TAFA4: variants seen among roughly 807,000 people sequenced by gnomAD.
TAFA4 encodes chemokine-like protein TAFA-4.
TAFA4 carries 20 observed loss-of-function variants against 21.1 expected under a neutral mutation model. That is an observed-to-expected ratio of 0.95 (90% confidence interval 0.67 to 1.38). The LOEUF is 1.38. Ranked by LOEUF, TAFA4 falls within the 40% of genes most tolerant of loss-of-function variation. TAFA4 has a pLI of 0.00. For synonymous variants in TAFA4, 71 were observed against 67.4 expected (o/e 1.05, Z -0.26); for missense variants, 211 against 180.9 (o/e 1.17, Z -0.95).
At chr3:68,796,340 T>C (rs1703453464) in intron 3 of TAFA4, among the ~76,000 whole-genome samples, 3 of 152,208 alleles carry the variant, frequency 2.0e-5, no homozygotes, top group Non-Finnish European at 2.9e-5. Flanking sequence ...AATTCTAATA[T>C]AGACAATATC....
chr3:68,869,615 C>T (rs570781565), intron 3 of TAFA4, among the ~76,000 whole-genome samples: 3 of 152,008 alleles, frequency 2.0e-5, no homozygotes, highest in East Asian at 1.9e-4. Flanking sequence ...AAAAACCATA[C>T]GATCATTTCC....
At chr3:68,858,666 T>C (rs1193941733) in intron 3 of TAFA4, among the ~76,000 whole-genome samples, 1 of 151,396 alleles carries the variant, frequency 6.6e-6, no homozygotes, top group Admixed American at 6.6e-5. Flanking sequence ...CATAAAAATG[T>C]AGGTACACTG....
chr3:68,891,225 G>A (rs912184188), intron 1 of TAFA4, among the ~76,000 whole-genome samples: 2 of 152,160 alleles, frequency 1.3e-5, no homozygotes, highest in African/African-American at 4.8e-5. Flanking sequence ...ATTAAAAATG[G>A]ATTTTTGTCT....
intron 4 of TAFA4, among the ~76,000 whole-genome samples, chr3:68,747,269 C>G (rs1345073825): frequency 6.6e-6 from 1 of 152,164 alleles, no homozygotes; most frequent in Non-Finnish European, 1.5e-5. Flanking sequence ...CTCAAACACA[C>G]ACACTGATAC....
intron 3 of TAFA4, among the ~76,000 whole-genome samples, chr3:68,775,752 C>T (rs1703036419): frequency 6.6e-6 from 1 of 152,148 alleles, no homozygotes; most frequent in African/African-American, 2.4e-5. Flanking sequence ...ATAGCAACAA[C>T]CAAAAACAAA....
At position 68,822,575 on chromosome 3, in the gene TAFA4, G is replaced by A. The variant is rs192824365; in HGVS notation, c.130+58155C>T. ...AGCCTTGACCTCCCTGGGCTTAAGC[G>A]ATCCTTCCACCTCGGCCTCCCGAGT... is the stretch of plus-strand genomic sequence containing the variant. On this transcript the variant is annotated intron_variant, in intron 3 of 5. Transcript: ENST00000295569. Among the ~76,000 whole-genome samples the A allele has an allele frequency of 1.5e-4, 23 of 152,236 alleles. No individual in the cohort carries two copies. In the East Asian group the frequency reaches 3.1e-3, roughly 20 times the overall value.
In TAFA4 at chr3:68,856,482, T is replaced by C. The variant is rs150439791; in HGVS notation, c.130+24248A>G. Among the ~76,000 whole-genome samples the C allele has an allele frequency of 5.3e-5, 8 of 152,190 alleles. No homozygotes were observed. The East Asian group carries it at 1.4e-3, about 26-fold the overall frequency. Reference sequence around the variant, plus strand: ...TTACCTATTCCCTCTTAGAAAAGACTTCCAGAGTCTTTCAGTCTTCATCTT... The same window carrying C: ...TTACCTATTCCCTCTTAGAAAAGACCTCCAGAGTCTTTCAGTCTTCATCTT... On this transcript the variant is annotated intron_variant, in intron 3 of 5. Coordinates refer to ENST00000295569, the MANE Select transcript of TAFA4 (RefSeq NM_182522.5).
intron 3 of TAFA4, among the ~76,000 whole-genome samples, chr3:68,854,475 T>A (rs1003329540): frequency 1.3e-5 from 2 of 152,118 alleles, no homozygotes; most frequent in African/African-American, 4.8e-5. Context: ...TTTTCACTAA[T>A]GGTCAAAAGG....
At chr3:68,757,556 C>A (rs1460203384) in intron 3 of TAFA4, among the ~76,000 whole-genome samples, 1 of 152,132 alleles carries the variant, frequency 6.6e-6, no homozygotes, top group Admixed American at 6.5e-5. Flanking sequence ...CTTCTTGGAG[C>A]AGTCAAGAAA....
intron 1 of TAFA4, among the ~76,000 whole-genome samples, chr3:68,923,378 T>C (rs1235663481): frequency 2.6e-5 from 4 of 152,164 alleles, no homozygotes; most frequent in East Asian, 1.9e-4. Flanking sequence ...GTGGGAAGGA[T>C]GCCCACGTCC....
intron 3 of TAFA4, among the ~76,000 whole-genome samples, chr3:68,779,018 A>G (rs188181403): frequency 1.0e-3 from 152 of 152,344 alleles, no homozygotes; most frequent in Non-Finnish European, 1.7e-3. Context: ...GATAAGGACA[A>G]TAAAGTCCAG....
intron 3 of TAFA4, among the ~76,000 whole-genome samples, chr3:68,811,682 C>G (rs1703843343): frequency 6.6e-6 from 1 of 152,100 alleles, no homozygotes; most frequent in African/African-American, 2.4e-5. Context: ...TGTGAAAAGA[C>G]CAAATCTATG....
rs367598663 is a variant in TAFA4, at chr3:68,920,639, ATTTTTTTT to A, written c.-123+11593_-123+11600del. 1.3e-4 allele frequency among the ~76,000 whole-genome samples: 17 copies of A among 130,212 alleles called. 1 individual carries two copies. The South Asian group carries it at 2.5e-3, about 19-fold the overall frequency. The allele number at this position is 130,212 out of a possible 152,430, so 85.4% of individuals were successfully genotyped here. ...AGAAGTGATTTTTACTTTTTCTCTA[ATTTTTTTT>A]TTTTTTTTTTTTTTTACAACTTGTG... On this transcript the variant is annotated intron_variant, in intron 1 of 5. Coordinates refer to ENST00000295569, the MANE Select transcript of TAFA4 (RefSeq NM_182522.5).
At chr3:68,750,355 C>T (rs952509895) in intron 4 of TAFA4, among the ~76,000 whole-genome samples, 4 of 152,182 alleles carry the variant, frequency 2.6e-5, no homozygotes, top group Admixed American at 6.5e-5. Context: ...ACATGGAATG[C>T]TATGGAGCAA....
intron 1 of TAFA4, among the ~76,000 whole-genome samples, chr3:68,886,583 C>A (rs1276706490): frequency 6.6e-6 from 1 of 152,118 alleles, no homozygotes; most frequent in African/African-American, 2.4e-5. Flanking sequence ...ACAAAAGGAA[C>A]CACTGGGTAT....
chr3:68,772,762 C>T (rs770445574), intron 3 of TAFA4, among the ~76,000 whole-genome samples: 35 of 152,130 alleles, frequency 2.3e-4, no homozygotes, highest in Non-Finnish European at 4.7e-4. Flanking sequence ...CCAGGGTTTC[C>T]AGCTTGCAGA....
At chr3:68,886,845 T>C (rs933528584) in intron 1 of TAFA4, among the ~76,000 whole-genome samples, 5 of 152,224 alleles carry the variant, frequency 3.3e-5, no homozygotes, top group Non-Finnish European at 7.3e-5. Context: ...TTTCTCACAG[T>C]TCTAGGGGCT....
intron 1 of TAFA4, among the ~76,000 whole-genome samples, chr3:68,920,114 G>A (rs1455096271): frequency 6.6e-6 from 1 of 152,164 alleles, no homozygotes; most frequent in Non-Finnish European, 1.5e-5. Context: ...CCCATCTGTA[G>A]GGAAACAGCT....
intron 3 of TAFA4, among the ~76,000 whole-genome samples, chr3:68,871,920 T>G (rs548010922): frequency 2.8e-4 from 42 of 152,116 alleles, no homozygotes; most frequent in African/African-American, 1.0e-3. Flanking sequence ...GGCAAGAATG[T>G]GGAGAAAGGA....
Sources: gnomAD v4.1 joint callset for allele counts (sites outside exome capture counted in the v4.1 genomes callset) on GRCh38, gnomAD v4.1.1 for gene constraint, MANE v1.5 for transcripts, NCBI Gene and HGNC (gene_info 2026-07-23, HGNC 2026-07-21) for gene names.